CADPS: variants seen among roughly 807,000 people sequenced by gnomAD.
The protein encoded by CADPS is calcium-dependent secretion activator 1.
CADPS carries 57 observed loss-of-function variants against 167.3 expected under a neutral mutation model. The ratio of observed to expected loss-of-function variants is 0.34; its 90% CI spans 0.28 to 0.42. The LOEUF is 0.42. Ranked by LOEUF, CADPS falls within the 20% of genes least tolerant of loss-of-function variation. The pLI is 1.00. For missense variants in CADPS, 1,414 were observed against 1,738.1 expected, an observed-to-expected ratio of 0.81 and a Z score of 3.32; for synonymous variants, 676 against 635.3, an observed-to-expected ratio of 1.06 and a Z score of -0.96.
chr3:62,494,099 A>G (rs770289025), intron 18 of CADPS, among the ~76,000 whole-genome samples: 1 of 152,212 alleles, frequency 6.6e-6, no homozygotes, highest in Non-Finnish European at 1.5e-5. Flanking sequence ...GAATTTCCTG[A>G]GAAAGTTGAG....
chr3:62,605,160 G>T (rs1005854982), intron 6 of CADPS, among the ~76,000 whole-genome samples: 1 of 152,130 alleles, frequency 6.6e-6, no homozygotes, highest in Non-Finnish European at 1.5e-5. Flanking sequence ...CCACTGACAG[G>T]CTTGGGCCAG....
chr3:62,480,334 A>G (rs890507520), intron 22 of CADPS, among the ~76,000 whole-genome samples: 3 of 152,154 alleles, frequency 2.0e-5, no homozygotes, highest in African/African-American at 7.2e-5. Context: ...ATATTTTTAA[A>G]TTTTTCACAG....
At chr3:62,728,084 C>T (rs1361146846) in intron 3 of CADPS, among the ~76,000 whole-genome samples, 1 of 151,710 alleles carries the variant, frequency 6.6e-6, no homozygotes, top group South Asian at 2.1e-4. Context: ...GAAATTGAGG[C>T]TTATCAACAC....
chr3:62,787,235 T>C (rs756703227), intron 1 of CADPS, among the ~76,000 whole-genome samples: 1 of 151,804 alleles, frequency 6.6e-6, no homozygotes, highest in Non-Finnish European at 1.5e-5. Flanking sequence ...GCGGAGGTTG[T>C]AGTGAGCCAA....
At chr3:62,599,658 TA>T (rs2059453936) in intron 6 of CADPS, among the ~76,000 whole-genome samples, 2 of 65,840 alleles carry the variant, frequency 3.0e-5, no homozygotes, top group East Asian at 9.0e-4. Context: ...ATATATAATA[TA>T]ATATATATTA....
At chr3:62,589,318 G>T (rs1029244945) in intron 7 of CADPS, among the ~76,000 whole-genome samples, 2 of 152,236 alleles carry the variant, frequency 1.3e-5, no homozygotes, top group African/African-American at 4.8e-5. Context: ...CAAGAGCCAG[G>T]CAGGCCAGCT....
At chr3:62,494,053 G>T (rs1460434188) in intron 18 of CADPS, among the ~76,000 whole-genome samples, 1 of 152,182 alleles carries the variant, frequency 6.6e-6, no homozygotes, top group East Asian at 1.9e-4. Context: ...GGAAAAAAGG[G>T]TATTGGATTC....
Position 62,499,155 on chromosome 3 carries a change from T to G in CADPS, c.2706+7A>C, listed in dbSNP as rs2065292710. ...AGTAAGATACACTTCCCACCAAGCC[T>G]GCTCACCTCTGCGTGGTGCTCCTCA... is the stretch of plus-strand genomic sequence containing the variant. On this transcript the variant is annotated splice_region_variant and intron_variant, in intron 18 of 29. Transcript: ENST00000383710. 6.3e-7 allele frequency: 1 copy of G among 1,582,544 alleles called. No individual in the cohort carries two copies. Among genetic ancestry groups the G allele is most frequent in the African/African-American group, 1.3e-5 (1 of 74,338 alleles).
At chr3:62,431,613 C>G (rs2053966845) in intron 28 of CADPS, among the ~76,000 whole-genome samples, 1 of 151,388 alleles carries the variant, frequency 6.6e-6, no homozygotes, top group Non-Finnish European at 1.5e-5. Flanking sequence ...ATTGGCACGG[C>G]AGTCCCTATA....
At position 62,478,424 on chromosome 3, in the gene CADPS, G is replaced by A. The variant is rs751987061; in HGVS notation, c.3174-8C>T. ...GAGGTGCCTGACCCATTACTGGCAG[G>A]ACAAAAATTAGAAAATGAGAGTCAC... On this transcript the variant is annotated splice_region_variant and splice_polypyrimidine_tract_variant and intron_variant, in intron 22 of 29. Coordinates refer to ENST00000383710, the MANE Select transcript of CADPS (RefSeq NM_003716.4). The surrounding 1 kb of genome is among the most constrained non-coding windows in gnomAD (Gnocchi z 5.7). 1 of 1,611,896 alleles carries A rather than the reference G, an allele frequency of 6.2e-7. No homozygotes were observed. The highest frequency in any genetic ancestry group is 1.7e-5 in the Admixed American group (1 of 59,696).
chr3:62,647,935 C>A (rs1328477740), intron 5 of CADPS, among the ~76,000 whole-genome samples: 1 of 152,232 alleles, frequency 6.6e-6, no homozygotes, highest in African/African-American at 2.4e-5. Flanking sequence ...TCTGTTAGCA[C>A]ATGCCCTTTG....
chr3:62,819,289 A>G (rs779653175), intron 1 of CADPS, among the ~76,000 whole-genome samples: 5 of 152,208 alleles, frequency 3.3e-5, no homozygotes, highest in Non-Finnish European at 7.3e-5. Flanking sequence ...AATATTAAAA[A>G]AACACTGCAA....
At chr3:62,632,781 T>C (rs923305187) in intron 6 of CADPS, among the ~76,000 whole-genome samples, 3 of 152,102 alleles carry the variant, frequency 2.0e-5, no homozygotes, top group Non-Finnish European at 4.4e-5. Flanking sequence ...CGTTTATTTT[T>C]TTTGGTTAGG....
intron 1 of CADPS, among the ~76,000 whole-genome samples, chr3:62,862,996 G>A (rs1405872895): frequency 2.0e-5 from 3 of 152,176 alleles, no homozygotes; most frequent in African/African-American, 4.8e-5. Context: ...AATCTCAGTG[G>A]ATAGGCTACA....
Position 62,516,073 on chromosome 3 carries a change from T to C in CADPS, c.2567A>G (p.Tyr856Cys). The change falls in exon 16 of 30, where the codon TAT becomes TGT. Residue 856 changes from tyrosine to cysteine, a missense_variant. Coordinates refer to ENST00000383710, the MANE Select transcript of CADPS (RefSeq NM_003716.4). Reference sequence around the variant, plus strand: ...GGGAGCCTTACCTTCGATTTTGGCATACTCTGAGAGCCGAGAATAGTTGAC... The same window carrying C: ...GGGAGCCTTACCTTCGATTTTGGCACACTCTGAGAGCCGAGAATAGTTGAC... ...ALVNYSRLSE[Y>C]AKIEENQKDA... 3 of 1,613,172 alleles carry C rather than the reference T, an allele frequency of 1.9e-6. No homozygotes were observed. The highest frequency in any genetic ancestry group is 2.5e-6 in the Non-Finnish European group (3 of 1,179,352).
At chr3:62,554,333 T>A (rs1317090986) in intron 10 of CADPS, among the ~76,000 whole-genome samples, 1 of 152,204 alleles carries the variant, frequency 6.6e-6, no homozygotes, top group East Asian at 1.9e-4. Context: ...AGAGTTTATT[T>A]AGTGGAAATG....
intron 6 of CADPS, among the ~76,000 whole-genome samples, chr3:62,639,091 G>C (rs1339651496): frequency 6.6e-6 from 1 of 152,086 alleles, no homozygotes; most frequent in Admixed American, 6.6e-5. Context: ...TAAACATTGG[G>C]AATTCTGGAC....
At chr3:62,674,917 G>A (rs1297672570) in intron 3 of CADPS, among the ~76,000 whole-genome samples, 3 of 152,130 alleles carry the variant, frequency 2.0e-5, no homozygotes, top group Non-Finnish European at 2.9e-5. Context: ...ATCATGTGTT[G>A]TACTGAAAAC....
chr3:62,857,819 T>C (rs2079998543), intron 1 of CADPS, among the ~76,000 whole-genome samples: 1 of 152,066 alleles, frequency 6.6e-6, no homozygotes, highest in Non-Finnish European at 1.5e-5. Context: ...ATAGAAACTG[T>C]AAAATTTAAT....
Sources: gnomAD v4.1 joint callset for allele counts (sites outside exome capture counted in the v4.1 genomes callset) on GRCh38, gnomAD v4.1.1 for gene constraint, Gnocchi (gnomAD v3.1) non-coding constraint, MANE v1.5 for transcripts, NCBI Gene and HGNC (gene_info 2026-07-23, HGNC 2026-07-21) for gene names.